MIPEP: variants seen among roughly 807,000 people sequenced by gnomAD.
MIPEP encodes mitochondrial intermediate peptidase.
MIPEP carries 79 observed loss-of-function variants against 90.3 expected under a neutral mutation model. The ratio of observed to expected loss-of-function variants is 0.87; its 90% confidence interval spans 0.73 to 1.05. MIPEP has a LOEUF of 1.05. MIPEP is among the 50% of genes least tolerant of loss of function. The probability of loss-of-function intolerance (pLI) is 0.00; values close to 1 mark genes in which losing one functional copy is unlikely to be tolerated. For missense variants in MIPEP, 940 were observed against 905.6 expected (o/e 1.04, Z -0.49); for synonymous variants, 334 against 315.8 (o/e 1.06, Z -0.61).
At chr13:23,779,800 A>G (rs1308660578) in intron 16 of MIPEP, among the ~76,000 whole-genome samples, 1 of 152,210 alleles carries the variant, frequency 6.6e-6, no homozygotes, top group African/African-American at 2.4e-5. Context: ...ACGGCACACG[A>G]GGAGATTATA....
chr13:23,886,279 A>G, intron 2 of MIPEP, 54 bp downstream of exon 2: 1 of 1,332,274 alleles, frequency 7.5e-7, no homozygotes, highest in Non-Finnish European at 9.8e-7. Flanking sequence ...ATTTCACTTA[A>G]ATTTTAACAA....
intron 10 of MIPEP, among the ~76,000 whole-genome samples, chr13:23,844,800 C>T (rs889786310): frequency 2.6e-5 from 4 of 151,692 alleles, no homozygotes; most frequent in African/African-American, 9.7e-5. Context: ...ATGTGTTGGG[C>T]AAAATTCAAG....
rs184548783 is a variant in MIPEP, at chr13:23,761,133, T to C, written c.1849-916A>G. Among the ~76,000 whole-genome samples, 145 of 152,140 alleles carry C rather than the reference T, an allele frequency of 9.5e-4. 1 individual carries two copies. The highest frequency in any genetic ancestry group is 3.4e-3 in the African/African-American group (140 of 41,530). On this transcript the variant is annotated intron_variant, in intron 16 of 18. Transcript: ENST00000382172. ...GGTAATCTGGGAATGCATTCTTTTT[T>C]TTTTTTTTTAAGAAGAGACAAACGC...
At chr13:23,855,931 A>C (rs1870029812) in intron 10 of MIPEP, among the ~76,000 whole-genome samples, 1 of 152,242 alleles carries the variant, frequency 6.6e-6, no homozygotes, top group Non-Finnish European at 1.5e-5. Flanking sequence ...ACCAGTGAGC[A>C]CTGCAAACAT....
chr13:23,854,122 G>A lies in MIPEP; in HGVS notation c.1106+4738C>T, dbSNP rs181484837. Among the ~76,000 whole-genome samples, 28 of 150,538 alleles carry A rather than the reference G, an allele frequency of 1.9e-4. 1 individual carries two copies. Among genetic ancestry groups the A allele is most frequent in the African/African-American group, 2.9e-4 (12 of 41,060 alleles). On this transcript the variant is annotated intron_variant, in intron 10 of 18. Coordinates refer to ENST00000382172, the MANE Select transcript of MIPEP (RefSeq NM_005932.4). The stretch of plus-strand genomic sequence containing the variant: ...GGGCGGATCACAAGTTCAGCAGATC[G>A]AGATCATCCTGGCTAACACGGTGAA...
At position 23,886,343 on chromosome 13, in the gene MIPEP, A is replaced by G; in HGVS notation, c.353T>C (p.Val118Ala). The change falls in exon 2 of 19, where the codon GTG becomes GCG. Residue 118 changes from valine to alanine, a missense_variant. Physicochemically the swap from Val to Ala is moderately conservative, Grantham distance 64. Transcript: ENST00000382172. ...FDELSDSLCR[V>A]ADLADFVKIA... ...GGTAAAGCACCTTACCAAGTCGGCC[A>G]CTCTGCATAAGGAATCCGAGAGCTC... 1.9e-6 allele frequency: 3 copies of G among 1,541,950 alleles called. No individual in the cohort carries two copies. The highest frequency in any genetic ancestry group is 2.6e-6 in the Non-Finnish European group (3 of 1,143,570).
intron 16 of MIPEP, among the ~76,000 whole-genome samples, chr13:23,800,053 A>T (rs1383916448): frequency 6.6e-6 from 1 of 152,238 alleles, no homozygotes; most frequent in Non-Finnish European, 1.5e-5. Flanking sequence ...TGTCACTCTG[A>T]GAACAGCTGT....
chr13:23,866,862 A>C (rs1180055754), intron 7 of MIPEP, among the ~76,000 whole-genome samples: 2 of 152,124 alleles, frequency 1.3e-5, no homozygotes, highest in Non-Finnish European at 2.9e-5. Context: ...ACTTGAAACA[A>C]ACCAAGTTTC....
chr13:23,816,900 G>A (rs1953246142), intron 14 of MIPEP, among the ~76,000 whole-genome samples: 1 of 152,126 alleles, frequency 6.6e-6, no homozygotes, highest in Admixed American at 6.5e-5. Flanking sequence ...TCCACACTGG[G>A]ACTCTAACAA....
chr13:23,836,240 C>T lies in MIPEP; in HGVS notation c.1653G>A (p.Gln551=). 6.4e-6 allele frequency: 10 copies of T among 1,569,710 alleles called. No homozygotes were observed. Among genetic ancestry groups the T allele is most frequent in the South Asian group, 1.2e-5 (1 of 84,238 alleles). Residue 551 remains glutamine, a splice_region_variant and synonymous_variant, in exon 14 of 19, where the codon CAG becomes CAA. Coordinates refer to ENST00000382172, the MANE Select transcript of MIPEP (RefSeq NM_005932.4). Reference sequence around the variant, plus strand: ...AAGACGACAATATTACTGTTCCTACCTGTCCAGTCTGATAATGTCTGGCAA... The same window carrying T: ...AAGACGACAATATTACTGTTCCTACTTGTCCAGTCTGATAATGTCTGGCAA... ...NQFARHYQTG[Q]PLPKNMVSRL...
chr13:23,755,056 C>T (rs1288611063), intron 18 of MIPEP, among the ~76,000 whole-genome samples: 1 of 152,172 alleles, frequency 6.6e-6, no homozygotes, highest in Non-Finnish European at 1.5e-5. Flanking sequence ...ATAACTCCTA[C>T]CTCATAGGGT....
At chr13:23,790,378 T>C (rs1257528412) in intron 16 of MIPEP, among the ~76,000 whole-genome samples, 1 of 152,254 alleles carries the variant, frequency 6.6e-6, no homozygotes, top group Non-Finnish European at 1.5e-5. Context: ...TCAAATGTTC[T>C]GTGTGGCAGA....
At chr13:23,793,886 C>T (rs1340702940) in intron 16 of MIPEP, among the ~76,000 whole-genome samples, 2 of 151,998 alleles carry the variant, frequency 1.3e-5, no homozygotes, top group East Asian at 3.9e-4. Flanking sequence ...CTGGAGGAAG[C>T]TTGGGTGACC....
intron 16 of MIPEP, among the ~76,000 whole-genome samples, chr13:23,799,210 A>G (rs1317493436): frequency 6.6e-6 from 1 of 151,176 alleles, no homozygotes; most frequent in East Asian, 1.9e-4. Flanking sequence ...GGGTTTCACC[A>G]TGTTGCCCAG....
chr13:23,767,503 G>A (rs1952603211), intron 16 of MIPEP, among the ~76,000 whole-genome samples: 1 of 151,272 alleles, frequency 6.6e-6, no homozygotes, highest in Non-Finnish European at 1.5e-5. Context: ...CCAAGCTGGA[G>A]TGCAGTGGCA....
At chr13:23,761,336 G>A (rs556242649) in intron 16 of MIPEP, among the ~76,000 whole-genome samples, 147 of 152,270 alleles carry the variant, frequency 9.7e-4, no homozygotes, top group African/African-American at 3.3e-3. Context: ...TGACAGAAAC[G>A]TAAAGACAGC....
intron 18 of MIPEP, among the ~76,000 whole-genome samples, chr13:23,750,564 C>G (rs73446189): frequency 6.6e-6 from 1 of 152,182 alleles, no homozygotes; most frequent in African/African-American, 2.4e-5. Flanking sequence ...GTCCACATGA[C>G]GCATCACTGA....
At chr13:23,870,740 G>A (rs1240969340) in intron 5 of MIPEP, among the ~76,000 whole-genome samples, 1 of 152,070 alleles carries the variant, frequency 6.6e-6, no homozygotes, top group Non-Finnish European at 1.5e-5. Flanking sequence ...AGGAGGCGGA[G>A]GTTGCAATGA....
rs115016852 is a variant in MIPEP at position 23,846,144 on chromosome 13, A to C, written c.1107-4656T>G. Among the ~76,000 whole-genome samples, 652 of 150,948 alleles carry C rather than the reference A, an allele frequency of 4.3e-3. 2 individuals carry two copies. The highest frequency in any genetic ancestry group is 0.015 in the African/African-American group (625 of 41,100). On this transcript the variant is annotated intron_variant, in intron 10 of 18. Transcript: ENST00000382172. The stretch of plus-strand genomic sequence containing the variant: ...TACTGATTCCCCTCCTCCTGCCTTG[A>C]CCTCCTGATCTGTCTTGTTGTTACA...
Sources: gnomAD v4.1 joint callset for allele counts (sites outside exome capture counted in the v4.1 genomes callset) on GRCh38, gnomAD v4.1.1 for gene constraint, MANE v1.5 for transcripts, NCBI Gene and HGNC (gene_info 2026-07-23, HGNC 2026-07-21) for gene names.